Variants in MRPS5 observed in about 807,000 individuals in gnomAD.
MRPS5 encodes the protein mitochondrial ribosomal protein S5, also known as small ribosomal subunit protein uS5m.
In MRPS5, 27 loss-of-function variants were observed where a neutral mutation model predicts 51.9. The ratio of observed to expected loss-of-function variants is 0.52; its 90% CI spans 0.38 to 0.72. The LOEUF (loss-of-function observed/expected upper bound fraction) is 0.72, where lower values mean the gene tolerates loss of function less well. Ranked by LOEUF, MRPS5 falls within the 30% of genes least tolerant of loss-of-function variation. MRPS5 has a pLI of 0.00. For synonymous variants in MRPS5, 196 were observed against 193.2 expected, an observed-to-expected ratio of 1.01 and a Z score of -0.12; for missense variants, 570 against 545.7, an observed-to-expected ratio of 1.04 and a Z score of -0.44.
At chr2:95,109,245 T>G (rs1363142060) in intron 4 of MRPS5, among the ~76,000 whole-genome samples, 2 of 152,160 alleles carry the variant, frequency 1.3e-5, no homozygotes, top group Non-Finnish European at 2.9e-5. Flanking sequence ...CAAGTAGACA[T>G]GCGATGCTGG....
At chr2:95,121,938 G>T, upstream of MRPS5, 1 of 924,610 alleles carries the variant, frequency 1.1e-6, no homozygotes, top group Non-Finnish European at 1.5e-6. Context: ...CGGGGTGAGG[G>T]ACTGTCCGGA....
chr2:95,085,429 A>G lies in MRPS5; in HGVS notation c.*1928T>C, dbSNP rs1675257893. 6.6e-6 allele frequency among the ~76,000 whole-genome samples: 1 copy of G among 152,196 alleles called. No homozygotes were observed. Among genetic ancestry groups the G allele is most frequent in the Non-Finnish European group, 1.5e-5 (1 of 68,026 alleles). On this transcript the variant is annotated 3_prime_UTR_variant, in exon 12 of 12. Transcript: ENST00000272418. ...ATTGCTTAAAGTTCATTGTCTTTAT[A>G]TTTGTTAGGTACTTAAGAAGGAAAA...
At chr2:95,111,122 C>T (rs568295855) in intron 3 of MRPS5, among the ~76,000 whole-genome samples, 9 of 152,288 alleles carry the variant, frequency 5.9e-5, no homozygotes, top group African/African-American at 1.4e-4. Flanking sequence ...AGCTGGTCTT[C>T]GTAAGTGAGG....
rs1675442038 is a variant in MRPS5 at position 95,090,780 on chromosome 2, T to C, written c.932-258A>G. ...ACATTTTGAGGGCAAAAAAACAGGATTGTTATTGAGATTAATAAACATGCA... is the reference window on the plus strand; with the variant it reads ...ACATTTTGAGGGCAAAAAAACAGGACTGTTATTGAGATTAATAAACATGCA... On this transcript the variant is annotated intron_variant, in intron 10 of 11. Coordinates refer to ENST00000272418, the MANE Select transcript of MRPS5 (RefSeq NM_031902.5). 2.4e-5 allele frequency: 10 copies of C among 422,224 alleles called. No homozygotes were observed. The South Asian group carries it at 2.6e-4, about 11-fold the overall frequency. The allele number at this position is 422,224 out of a possible 1,614,324, so 26.2% of individuals were successfully genotyped here. A position where few individuals can be genotyped will look rare whatever the true frequency, so the allele number is the denominator to read the frequency against.
chr2:95,115,993 A>G (rs1164670989), intron 2 of MRPS5, among the ~76,000 whole-genome samples: 4 of 147,608 alleles, frequency 2.7e-5, no homozygotes, highest in Non-Finnish European at 1.5e-5. Flanking sequence ...TGCAACCTCC[A>G]CCTCCCAGGT....
intron 7 of MRPS5, 159 bp downstream of exon 7, chr2:95,104,481 A>G: frequency 1.4e-6 from 1 of 732,004 alleles, no homozygotes; most frequent in Non-Finnish European, 2.5e-6. Context: ...AAGGGAAGTC[A>G]TGGACTTACC....
intron 2 of MRPS5, among the ~76,000 whole-genome samples, chr2:95,115,908 C>CTT (rs896022157): frequency 7.8e-5 from 11 of 141,874 alleles, no homozygotes; most frequent in Non-Finnish European, 9.3e-5. Flanking sequence ...CCTTAATTTT[C>CTT]TTTTTTTTTT....
In MRPS5 at chr2:95,121,781, G is replaced by A. The variant is rs779314021; in HGVS notation, c.11C>T (p.Ala4Val). Residue 4 changes from alanine to valine, a missense_variant, in exon 1 of 12, where the codon GCG becomes GTG. Transcript: ENST00000272418. Reference sequence around the variant, plus strand: ...GGGGAGGCAGCCCACAGCGCGCACCGCGGTCGCCATGCTGGAGTCCGAGCC... The same window carrying A: ...GGGGAGGCAGCCCACAGCGCGCACCACGGTCGCCATGCTGGAGTCCGAGCC... MAT[A>V]VRAVGCLPVL... is the part of the protein sequence containing the mutation. 1.3e-6 allele frequency: 2 copies of A among 1,551,152 alleles called. No homozygotes were observed. Among genetic ancestry groups the A allele is most frequent in the East Asian group, 2.5e-5 (1 of 40,772 alleles).
intron 11 of MRPS5, among the ~76,000 whole-genome samples, chr2:95,089,949 G>C (rs1422877979): frequency 6.6e-6 from 1 of 151,736 alleles, no homozygotes; most frequent in African/African-American, 2.4e-5. Flanking sequence ...AGGCCGAGGC[G>C]GGCGGATCAC....
At chr2:95,111,349 A>G (rs1676111126) in intron 3 of MRPS5, among the ~76,000 whole-genome samples, 1 of 152,244 alleles carries the variant, frequency 6.6e-6, no homozygotes, top group Non-Finnish European at 1.5e-5. Context: ...GAAAACTTGA[A>G]AGTTCACTTG....
At chr2:95,116,517 T>G (rs1471983129) in intron 2 of MRPS5, among the ~76,000 whole-genome samples, 1 of 152,228 alleles carries the variant, frequency 6.6e-6, no homozygotes, top group Non-Finnish European at 1.5e-5. Context: ...CAACCAACTT[T>G]GTTTAAAACG....
At chr2:95,104,376 A>G in intron 7 of MRPS5, 1 of 472,962 alleles carries the variant, frequency 2.1e-6, no homozygotes, top group Non-Finnish European at 3.9e-6. Context: ...TTCCACTATT[A>G]TACATAATAA....
At chr2:95,094,331 C>A (rs943253452) in intron 10 of MRPS5, among the ~76,000 whole-genome samples, 2 of 152,220 alleles carry the variant, frequency 1.3e-5, no homozygotes, top group African/African-American at 2.4e-5. Flanking sequence ...TCCAAGAGAA[C>A]TTCCCCAACC....
chr2:95,098,631 G>A (rs1327050364), intron 10 of MRPS5, among the ~76,000 whole-genome samples: 1 of 152,096 alleles, frequency 6.6e-6, no homozygotes, highest in East Asian at 1.9e-4. Flanking sequence ...GGTGGGAACT[G>A]AACAATGAGA....
rs753369241 is a variant in MRPS5 at position 95,104,580 on chromosome 2, C to T, written c.763+60G>A. ...TGAGCCCATGGGCTCCACAGCATGG[C>T]CCGTGCCACGCCTTTCCCTGCACAC... On this transcript the variant is annotated intron_variant, in intron 7 of 11. Coordinates refer to ENST00000272418, the MANE Select transcript of MRPS5 (RefSeq NM_031902.5). The T allele has an allele frequency of 3.2e-6, 5 of 1,560,620 alleles. No homozygotes were observed. In the South Asian group the frequency reaches 5.6e-5, roughly 17 times the overall value.
chr2:95,087,926 G>T, intron 11 of MRPS5, among the ~76,000 whole-genome samples: 1 of 151,274 alleles, frequency 6.6e-6, no homozygotes, highest in Non-Finnish European at 1.5e-5. Context: ...AGTAAATATA[G>T]GGGAGATAAG....
intron 10 of MRPS5, among the ~76,000 whole-genome samples, chr2:95,094,306 C>G (rs771433641): frequency 1.2e-4 from 19 of 152,214 alleles, no homozygotes; most frequent in Non-Finnish European, 2.2e-4. Context: ...TTCGAAAACA[C>G]TCTTCAGGAT....
At chr2:95,096,218 A>G (rs2104400732) in intron 10 of MRPS5, among the ~76,000 whole-genome samples, 1 of 152,342 alleles carries the variant, frequency 6.6e-6, no homozygotes, top group South Asian at 2.1e-4. Flanking sequence ...AAAAAAGTCC[A>G]GGACCAGACA....
At chr2:95,108,997 T>C (rs1676037853) in intron 4 of MRPS5, among the ~76,000 whole-genome samples, 1 of 152,004 alleles carries the variant, frequency 6.6e-6, no homozygotes, top group Non-Finnish European at 1.5e-5. Context: ...TAAAATTTAA[T>C]ACATAAATAC....
Sources: allele counts gnomAD v4.1 joint callset (sites outside exome capture counted in the v4.1 genomes callset), GRCh38; gene constraint gnomAD v4.1.1; transcripts MANE v1.5; gene names NCBI Gene and HGNC (gene_info 2026-07-23, HGNC 2026-07-21).